DUOX2: variants seen among roughly 807,000 people sequenced by gnomAD.
The protein encoded by DUOX2 is NADH/NADPH thyroid oxidase p138-tox.
DUOX2 carries 185 observed loss-of-function variants against 183.3 expected under a neutral mutation model. The ratio of observed to expected loss-of-function variants is 1.01; its 90% CI spans 0.90 to 1.14. DUOX2 has a LOEUF of 1.14. Among genes scored for constraint, DUOX2 ranks in the 50% most tolerant of loss-of-function variants. The pLI is 0.00. For missense variants in DUOX2, 1,999 were observed against 2,022.9 expected (o/e 0.99, Z 0.23); for synonymous variants, 788 against 812.4 (o/e 0.97, Z 0.51).
chr15:45,095,297 G>T, intron 31 of DUOX2, 140 bp downstream of exon 31: 1 of 1,446,570 alleles, frequency 6.9e-7, no homozygotes, highest in South Asian at 1.2e-5. Context: ...TCCAAGTTTG[G>T]CATCTCAACC....
chr15:45,094,368 G>A, intron 33 of DUOX2, 96 bp from the exon 34 acceptor site: 1 of 1,590,332 alleles, frequency 6.3e-7, no homozygotes, highest in Non-Finnish European at 8.6e-7. Context: ...GAATGACTAA[G>A]GCTTCAAGCC....
chr15:45,100,026 C>T, intron 24 of DUOX2, 24 bp downstream of exon 24: 3 of 1,614,234 alleles, frequency 1.9e-6, no homozygotes, highest in Non-Finnish European at 2.5e-6. Flanking sequence ...TCCCTACCCA[C>T]TGCCCACAGC....
In DUOX2 at chr15:45,106,331, G is replaced by A; in HGVS notation, c.1946-4C>T. Reference sequence around the variant, plus strand: ...TTGGGGCCTGGCCACTCCATCGCTGGGGAAGGGATAATTGGGCCGGGTAGT... The same window carrying A: ...TTGGGGCCTGGCCACTCCATCGCTGAGGAAGGGATAATTGGGCCGGGTAGT... On this transcript the variant is annotated splice_polypyrimidine_tract_variant and splice_region_variant and intron_variant, in intron 16 of 33. Coordinates refer to ENST00000389039, the MANE Select transcript of DUOX2 (RefSeq NM_001363711.2). 1 of 1,613,840 alleles carries A rather than the reference G, an allele frequency of 6.2e-7. No homozygotes were observed. The highest frequency in any genetic ancestry group is 1.1e-5 in the South Asian group (1 of 91,072).
Position 45,109,492 on chromosome 15 carries a change from T to C in DUOX2, c.1234+32A>G, listed in dbSNP as rs769484992. 3.7e-6 allele frequency: 6 copies of C among 1,606,824 alleles called. No individual in the cohort carries two copies. The South Asian group carries it at 4.4e-5, about 12-fold the overall frequency. ...AGGGATCCTCAGGCTTCCTGGTCCCTTACCATCCACCCCTTCTGGCTCTGA... is the reference window on the plus strand; with the variant it reads ...AGGGATCCTCAGGCTTCCTGGTCCCCTACCATCCACCCCTTCTGGCTCTGA... On this transcript the variant is annotated intron_variant, in intron 11 of 33. Transcript: ENST00000389039.
At position 45,099,473 on chromosome 15, in the gene DUOX2, CTG is replaced by C. The variant is rs1009807148; in HGVS notation, c.3423_3424del (p.His1141GlnfsTer30). 1.9e-6 allele frequency: 3 copies of C among 1,613,798 alleles called. No individual in the cohort carries two copies. The African/African-American group carries it at 4.0e-5, about 22-fold the overall frequency. ...GTAGACATTGACTGCGTGGCCAGCA[CTG>C]TGCAAAACTGGAAGAGACAGACCCT... On this transcript the variant is annotated frameshift_variant, in exon 26 of 34. Coordinates refer to ENST00000389039, the MANE Select transcript of DUOX2 (RefSeq NM_001363711.2). LOFTEE classifies it high-confidence loss of function.
chr15:45,099,544 G>A (rs973093293), intron 25 of DUOX2, 62 bp from the exon 26 acceptor site: 65 of 1,585,042 alleles, frequency 4.1e-5, no homozygotes, highest in South Asian at 2.0e-4. Context: ...CGATCCTGAG[G>A]GAGAGAGGAG....
In DUOX2 at chr15:45,099,762, G is replaced by A. The variant is rs147719149; in HGVS notation, c.3315C>T (p.Leu1105=). 5.1e-5 allele frequency: 82 copies of A among 1,614,124 alleles called. No individual in the cohort carries two copies. Among genetic ancestry groups the A allele is most frequent in the Non-Finnish European group, 6.9e-5 (81 of 1,180,060 alleles). Residue 1105 remains leucine (L), a synonymous_variant, in exon 25 of 34, where the codon CTC becomes CTT. Coordinates refer to ENST00000389039, the MANE Select transcript of DUOX2 (RefSeq NM_001363711.2). The part of the protein sequence containing the change: ...SYILLTMCRN[L]ITFLRETFLN... Reference sequence around the variant, plus strand: ...GGAAAGTCTCTCGCAGGAAGGTTATGAGGTTGCGGCACATGGTGAGCAAGA... The same window carrying A: ...GGAAAGTCTCTCGCAGGAAGGTTATAAGGTTGCGGCACATGGTGAGCAAGA...
chr15:45,104,446 C>G lies in DUOX2; in HGVS notation c.2335-81G>C, dbSNP rs1006187581. ...GAAGCAGTTCAGTGACCCTTCATAT[C>G]TCCCCAAAGTCCAAATCAGAAAGGC... is the stretch of plus-strand genomic sequence containing the variant. On this transcript the variant is annotated intron_variant, in intron 18 of 33. Transcript: ENST00000389039. 7.1e-6 allele frequency: 11 copies of G among 1,538,952 alleles called. No homozygotes were observed. In the African/African-American group the frequency reaches 1.5e-4, roughly 21 times the overall value.
Position 45,100,784 on chromosome 15 carries a change from G to T in DUOX2, c.2976C>A (p.Gly992=). 2 of 1,614,094 alleles carry T rather than the reference G, an allele frequency of 1.2e-6. No homozygotes were observed. The highest frequency in any genetic ancestry group is 1.7e-6 in the Non-Finnish European group (2 of 1,179,980). The stretch of plus-strand genomic sequence containing the variant: ...TGCCAAACCTCTTCTTCAGTCCAGG[G>T]CCTCCCAGCTCTGGGGCTTCTGGGG... ...PPAPEAPELG[G]PGLKKRFGKK... is the part of the protein sequence containing the mutation. The change falls in exon 23 of 34, where the codon GGC becomes GGA. Residue 992 remains glycine, a synonymous_variant. Coordinates refer to ENST00000389039, the MANE Select transcript of DUOX2 (RefSeq NM_001363711.2).
At chr15:45,105,926 C>A in intron 17 of DUOX2, 98 bp from the exon 18 acceptor site, 1 of 1,521,242 alleles carries the variant, frequency 6.6e-7, no homozygotes, top group Admixed American at 1.8e-5. Context: ...GGAGAGAAAA[C>A]TCCTCCCCAT....
rs894363628 is a variant in DUOX2, at chr15:45,111,247, G to A, written c.746C>T (p.Pro249Leu). 6.7e-6 allele frequency: 9 copies of A among 1,347,388 alleles called. No individual in the cohort carries two copies. The African/African-American group carries it at 1.4e-4, about 21-fold the overall frequency. The allele number at this position is 1,347,388 out of a possible 1,614,324, so 83.5% of individuals were successfully genotyped here. A position where few individuals can be genotyped will look rare whatever the true frequency, so the allele number is the denominator to read the frequency against. The stretch of plus-strand genomic sequence containing the variant: ...GAGCAGGCCCAGCGCCTGCAGGAAG[G>A]GTTCCCGGTTCCCTCTCTCTGCCCC... ...AFGAERGNRE[P>L]FLQALGLLWF... Residue 249 changes from proline to leucine, a missense_variant, in exon 7 of 34, where the codon CCC becomes CTC. By Grantham distance (98) the Pro-to-Leu change is moderately conservative. Around this residue, in one of 3 missense-constraint regions of DUOX2, gnomAD observed 356 missense variants for 356.4 expected, o/e 1.00. Transcript: ENST00000389039.
intron 13 of DUOX2, 89 bp downstream of exon 13, chr15:45,107,958 A>AG: frequency 6.7e-7 from 1 of 1,501,162 alleles, no homozygotes; most frequent in Non-Finnish European, 9.3e-7. Flanking sequence ...CTGGGAATCA[A>AG]GGGCTCATAG....
At chr15:45,105,064 G>A (rs1894178450) in intron 18 of DUOX2, among the ~76,000 whole-genome samples, 2 of 152,160 alleles carry the variant, frequency 1.3e-5, no homozygotes, top group African/African-American at 4.8e-5. Context: ...TAGGTGATCT[G>A]CCCGCCTCAG....
rs79393107 is a variant in DUOX2 at position 45,100,184 on chromosome 15, T to C, written c.3050A>G (p.Glu1017Gly). The C allele has an allele frequency of 6.4e-3, 10,337 of 1,614,068 alleles. 632 individuals are homozygous for C. In the African/African-American group the frequency reaches 0.12, roughly 19 times the overall value. The change falls in exon 24 of 34, where the codon GAG becomes GGG. Residue 1017 changes from glutamate to glycine, a missense_variant. Around this residue, in one of 3 missense-constraint regions of DUOX2, gnomAD observed 1,628 missense variants for 1,608.6 expected, o/e 1.01. Transcript: ENST00000389039. ...TPRLYTEALQ[E>G]KMQRGFLAQK... The stretch of plus-strand genomic sequence containing the variant: ...GGCTAGGAAGCCTCGCTGCATCTTC[T>C]CTTGCAGCGCCTCTGTGTACAGCCG...
At chr15:45,097,169 G>A in intron 29 of DUOX2, 69 bp downstream of exon 29, 8 of 1,607,256 alleles carry the variant, frequency 5.0e-6, no homozygotes, top group East Asian at 2.2e-5. Context: ...GAGACCTGGT[G>A]AACTGTCTCC....
In DUOX2 at chr15:45,100,812, G is replaced by T. The variant is rs139507531; in HGVS notation, c.2948C>A (p.Pro983His). The T allele has an allele frequency of 7.4e-6, 12 of 1,612,954 alleles. No individual in the cohort carries two copies. The African/African-American group carries it at 1.5e-4, about 20-fold the overall frequency. Residue 983 changes from proline (P) to histidine (H), a missense_variant, in exon 23 of 34, where the codon CCT (proline) becomes CAT (histidine). By Grantham distance (77) the Pro-to-His change is moderately conservative (BLOSUM62 -2). Coordinates refer to ENST00000389039, the MANE Select transcript of DUOX2 (RefSeq NM_001363711.2). ...TCCCAGCTCTGGGGCTTCTGGGGCA[G>T]GGGGCCCCAGTCCCTGGGGGTGGGA... ...ERSHPQGLGP[P>H]APEAPELGGP...
At chr15:45,104,445 T>C in intron 18 of DUOX2, 80 bp from the exon 19 acceptor site, 1 of 1,543,052 alleles carries the variant, frequency 6.5e-7, no homozygotes, top group Non-Finnish European at 8.8e-7. Context: ...ACCCTTCATA[T>C]CTCCCCAAAG....
At chr15:45,095,639 A>G (rs944749967) in intron 30 of DUOX2, 44 bp from the exon 31 acceptor site, 3 of 1,613,690 alleles carry the variant, frequency 1.9e-6, no homozygotes, top group Non-Finnish European at 2.5e-6. Flanking sequence ...ACCCTGCCCC[A>G]GCTCTGAGAC....
chr15:45,109,801 C>A, intron 10 of DUOX2, 89 bp downstream of exon 10: 2 of 1,407,074 alleles, frequency 1.4e-6, no homozygotes, highest in Non-Finnish European at 2.0e-6. Flanking sequence ...GGGGCAGCAA[C>A]ACTCAAGAAC....
Sources: allele counts gnomAD v4.1 joint callset (sites outside exome capture counted in the v4.1 genomes callset), GRCh38; gene constraint gnomAD v4.1.1; regional missense constraint gnomAD v4.1.1; transcripts MANE v1.5; gene names NCBI Gene and HGNC (gene_info 2026-07-23, HGNC 2026-07-21).